Variants in PATL1 observed in about 807,000 individuals in gnomAD.
PATL1 encodes the protein PAT1 homolog 1, processing body mRNA decay factor.
In PATL1, 32 loss-of-function variants were observed where a neutral mutation model predicts 100.6. The observed-to-expected ratio is 0.32, with a 90% CI of 0.24 to 0.43. PATL1 has a LOEUF of 0.43. PATL1 is among the 20% of genes least tolerant of loss of function. PATL1 has a pLI of 1.00. For synonymous variants in PATL1, 332 were observed against 330.0 expected, an observed-to-expected ratio of 1.01 and a Z score of -0.07; for missense variants, 747 against 949.9, an observed-to-expected ratio of 0.79 and a Z score of 2.81.
At position 59,638,184 on chromosome 11, in the gene PATL1, C is replaced by G; in HGVS notation, c.*206G>C. 1.7e-6 allele frequency: 1 copy of G among 597,226 alleles called. No individual in the cohort carries two copies. The highest frequency in any genetic ancestry group is 2.0e-5 in the South Asian group (1 of 49,184). 37.0% of individuals were successfully genotyped at this position (597,226 alleles called of 1,614,324 possible). A position where few individuals can be genotyped will look rare whatever the true frequency, so the allele number is the denominator to read the frequency against. On this transcript the variant is annotated 3_prime_UTR_variant, in exon 19 of 19. Transcript: ENST00000300146. ...GTAACACAGAAGGTAAAGAAACCAGCAGAAGTATCACCCAGCCAAATTTCA... is the reference window on the plus strand; with the variant it reads ...GTAACACAGAAGGTAAAGAAACCAGGAGAAGTATCACCCAGCCAAATTTCA...
intron 16 of PATL1, among the ~76,000 whole-genome samples, chr11:59,640,385 A>C (rs1766021196): frequency 6.6e-6 from 1 of 150,818 alleles, no homozygotes; most frequent in Non-Finnish European, 1.5e-5. Flanking sequence ...TGTTTTATTT[A>C]GTGGACAGTA....
At chr11:59,645,299 A>ACCTC in intron 15 of PATL1, among the ~76,000 whole-genome samples, 1 of 2,184 alleles carries the variant, frequency 4.6e-4, no homozygotes, top group Non-Finnish European at 9.9e-4. Context: ...TGTTGGGTAC[A>ACCTC]CCTCCCAGAC....
Position 59,656,545 on chromosome 11 carries a change from G to A in PATL1, c.677C>T (p.Ala226Val). ...TGGAGACATCCTCTCACCATAGGGA[G>A]CAGGATAACGAGGTGGCATTGGGGG... ...VRPPMPPRYP[A>V]PYGERMSPNQ... The change falls in exon 6 of 19, where the codon GCT (alanine) becomes GTT (valine). Residue 226 changes from alanine (A) to valine (V), a missense_variant. Transcript: ENST00000300146. The A allele has an allele frequency of 6.2e-7, 1 of 1,614,004 alleles. No homozygotes were observed. The highest frequency in any genetic ancestry group is 1.1e-5 in the South Asian group (1 of 91,082).
chr11:59,652,423 A>T, intron 11 of PATL1, 41 bp downstream of exon 11: 1 of 1,580,942 alleles, frequency 6.3e-7, no homozygotes, highest in South Asian at 1.2e-5. Flanking sequence ...CAGCTTCTCA[A>T]ATTTCTTTTA....
intron 8 of PATL1, 71 bp from the exon 9 acceptor site, chr11:59,654,143 G>A (rs1178383079): frequency 7.6e-7 from 1 of 1,310,292 alleles, no homozygotes; most frequent in Non-Finnish European, 1.1e-6. Flanking sequence ...AATGTTGTCA[G>A]TAGAGGATAA....
At chr11:59,667,181 A>C in intron 1 of PATL1, 1 of 728,234 alleles carries the variant, frequency 1.4e-6, no homozygotes, top group Non-Finnish European at 1.7e-6. Flanking sequence ...ATTTCATTTA[A>C]TTCTTGCCCC....
In PATL1 at chr11:59,668,886, A is replaced by G. The variant is rs1166504266; in HGVS notation, c.10T>C (p.Tyr4His). The change falls in exon 1 of 19, where the codon TAC becomes CAC. Residue 4 changes from tyrosine to histidine, a missense_variant. Physicochemically the swap from Tyr to His is moderately conservative, Grantham distance 83. Around this residue, in one of 4 missense-constraint regions of PATL1, gnomAD observed 183 missense variants for 221.2 expected, o/e 0.83. Coordinates refer to ENST00000300146, the MANE Select transcript of PATL1 (RefSeq NM_152716.3). MFR[Y>H]ESLEDCPLDE... is the part of the protein sequence containing the mutation. ...TTCCGGTCGCAACAGCTCACCTCGTAGCGGAACATTCTTGGGGAGGGGGGC... is the reference window on the plus strand; with the variant it reads ...TTCCGGTCGCAACAGCTCACCTCGTGGCGGAACATTCTTGGGGAGGGGGGC... The G allele has an allele frequency of 8.5e-7, 1 of 1,176,516 alleles. No individual in the cohort carries two copies. Among genetic ancestry groups the G allele is most frequent in the Non-Finnish European group, 1.1e-6 (1 of 884,160 alleles). The allele number at this position is 1,176,516 out of a possible 1,614,324, so 72.9% of individuals were successfully genotyped here.
intron 15 of PATL1, among the ~76,000 whole-genome samples, chr11:59,646,695 T>C (rs1466966066): frequency 2.6e-5 from 4 of 152,334 alleles, no homozygotes; most frequent in African/African-American, 7.2e-5. Context: ...CTATAACAGG[T>C]TCACTCCCAT....
chr11:59,655,513 T>A lies in PATL1; in HGVS notation c.1031+10A>T, dbSNP rs756441343. On this transcript the variant is annotated intron_variant, in intron 8 of 18. Transcript: ENST00000300146. Reference sequence around the variant, plus strand: ...GATAACTGATAAACAGTGGCGTTGATTTTGTATACCTTAGGTTTTGCAGGT... The same window carrying A: ...GATAACTGATAAACAGTGGCGTTGAATTTGTATACCTTAGGTTTTGCAGGT... 6.5e-6 allele frequency: 10 copies of A among 1,548,202 alleles called. No homozygotes were observed. In the African/African-American group the frequency reaches 1.4e-4, roughly 21 times the overall value.
At chr11:59,667,046 T>G in intron 1 of PATL1, 82 bp from the exon 2 acceptor site, 1 of 1,413,534 alleles carries the variant, frequency 7.1e-7, no homozygotes, top group East Asian at 2.9e-5. Context: ...TCATCTTACC[T>G]TCTCAATGAA....
chr11:59,654,998 A>G (rs1259163095), intron 8 of PATL1, among the ~76,000 whole-genome samples: 2 of 152,184 alleles, frequency 1.3e-5, no homozygotes, highest in African/African-American at 4.8e-5. Context: ...TGCTATACTT[A>G]TTTCAAACTC....
rs1012642266 is a variant in PATL1, at chr11:59,659,234, T to A, written c.345+18A>T. ...TTTTTAGTCTGCTATAGTTCTCAAA[T>A]CACAGTAACTTACTTACTTGTAAAA... is the stretch of plus-strand genomic sequence containing the variant. On this transcript the variant is annotated intron_variant, in intron 3 of 18. Coordinates refer to ENST00000300146, the MANE Select transcript of PATL1 (RefSeq NM_152716.3). The A allele has an allele frequency of 3.0e-5, 46 of 1,548,148 alleles. No homozygotes were observed. The Admixed American group carries it at 6.9e-4, about 23-fold the overall frequency.
intron 16 of PATL1, 73 bp downstream of exon 16, chr11:59,642,807 C>T: frequency 6.9e-7 from 1 of 1,453,686 alleles, no homozygotes; most frequent in Admixed American, 2.1e-5. Flanking sequence ...AGAGATACAG[C>T]AGCCATTATT....
chr11:59,666,711 C>T (rs1323437199), intron 2 of PATL1, 142 bp downstream of exon 2: 1 of 857,186 alleles, frequency 1.2e-6, no homozygotes, highest in Non-Finnish European at 1.7e-6. Context: ...GAAGAATGAA[C>T]TATTCTAAGA....
chr11:59,640,686 C>G (rs929075780), intron 16 of PATL1, among the ~76,000 whole-genome samples: 1 of 150,796 alleles, frequency 6.6e-6, no homozygotes, highest in Non-Finnish European at 1.5e-5. Context: ...CGCCACTGCA[C>G]TCCAGCCTGG....
chr11:59,651,586 T>C lies in PATL1; in HGVS notation c.1482A>G (p.Arg494=). 2 of 1,612,786 alleles carry C rather than the reference T, an allele frequency of 1.2e-6. No homozygotes were observed. The highest frequency in any genetic ancestry group is 1.7e-6 in the Non-Finnish European group (2 of 1,179,622). ...KLTVSSVNNP[R]KMIDAVVTSR... is the part of the protein sequence containing the mutation. ...ATGTCACAACAGCATCAATCATTTT[T>C]CGGGGATTATTCACACTAGAAACGG... is the stretch of plus-strand genomic sequence containing the variant. The change falls in exon 12 of 19, where the codon CGA becomes CGG. Residue 494 remains arginine (R), a synonymous_variant. Transcript: ENST00000300146.
At chr11:59,646,087 T>A (rs1418690541) in intron 15 of PATL1, among the ~76,000 whole-genome samples, 1 of 152,316 alleles carries the variant, frequency 6.6e-6, no homozygotes, top group Admixed American at 6.5e-5. Flanking sequence ...GCCTGGCACA[T>A]AGAAGTATTC....
At chr11:59,656,392 A>G (rs1299864138) in intron 6 of PATL1, 107 bp downstream of exon 6, 1 of 893,798 alleles carries the variant, frequency 1.1e-6, no homozygotes, top group African/African-American at 1.7e-5. Flanking sequence ...TATAAAAAAT[A>G]GGTATAATTT....
intron 2 of PATL1, among the ~76,000 whole-genome samples, chr11:59,662,873 A>T (rs957730413): frequency 2.6e-5 from 4 of 152,198 alleles, no homozygotes; most frequent in African/African-American, 7.2e-5. Flanking sequence ...ATAATATTTT[A>T]AAAATATTGG....
Sources: gnomAD v4.1 joint callset for allele counts (sites outside exome capture counted in the v4.1 genomes callset) on GRCh38, gnomAD v4.1.1 for gene constraint, gnomAD v4.1.1 regional missense constraint, MANE v1.5 for transcripts, NCBI Gene and HGNC (gene_info 2026-07-23, HGNC 2026-07-21) for gene names.